Variants in SRRM4 observed in about 807,000 individuals in gnomAD.
The protein encoded by SRRM4 is serine/arginine repetitive matrix 4, also known as serine/arginine repetitive matrix protein 4.
Under a neutral mutation model 68.9 loss-of-function variants are expected in SRRM4, and 33 were observed. The observed-to-expected ratio is 0.48, with a 90% CI of 0.36 to 0.64. The LOEUF is 0.64. Among genes scored for constraint, SRRM4 ranks in the 30% least tolerant of loss-of-function variants. The pLI, the probability that SRRM4 is intolerant of heterozygous loss-of-function variation, is 0.00. For synonymous variants in SRRM4, 318 were observed against 318.8 expected (o/e 1.00, Z 0.03); for missense variants, 817 against 827.1 (o/e 0.99, Z 0.15).
intron 4 of SRRM4, among the ~76,000 whole-genome samples, chr12:119,120,011 C>T (rs1204857103): frequency 3.3e-5 from 5 of 151,818 alleles, no homozygotes; most frequent in African/African-American, 9.7e-5. Flanking sequence ...CTAGGTGTCC[C>T]GACCCCCTGT....
intron 7 of SRRM4, among the ~76,000 whole-genome samples, chr12:119,130,115 A>G (rs145564360): frequency 1.4e-5 from 2 of 143,506 alleles, no homozygotes; most frequent in African/African-American, 5.6e-5. Context: ...ATGAATAGTT[A>G]GATGGATGGA....
At chr12:119,090,544 C>G (rs1180172140) in intron 1 of SRRM4, among the ~76,000 whole-genome samples, 1 of 152,154 alleles carries the variant, frequency 6.6e-6, no homozygotes, top group Non-Finnish European at 1.5e-5. Flanking sequence ...GGGCCTCCCT[C>G]CCCACATCCC....
intron 2 of SRRM4, among the ~76,000 whole-genome samples, chr12:119,112,117 G>A (rs557410306): frequency 1.2e-4 from 19 of 152,152 alleles, no homozygotes; most frequent in Non-Finnish European, 2.5e-4. Context: ...TTGCTTCCTG[G>A]ACATGCATAC....
intron 11 of SRRM4, 46 bp downstream of exon 11, chr12:119,153,695 C>G (rs747932367): frequency 1.4e-6 from 2 of 1,406,866 alleles, no homozygotes; most frequent in East Asian, 5.0e-5. Flanking sequence ...GGCCCCACCC[C>G]TTTGCTCTGA....
In SRRM4 at chr12:119,156,781, TC is replaced by T; in HGVS notation, c.1821del (p.Ser608AlafsTer8). ...SRSYSSADSY[S>X]STRR ...GAGCTACAGCTCAGCAGACAGCTAC[TC>T]CAGCACGAGGCGCTAAGTGCCCCTG... On this transcript the variant is annotated frameshift_variant, in exon 13 of 13. Transcript: ENST00000267260. LOFTEE classifies it high-confidence loss of function. The T allele has an allele frequency of 6.5e-7, 1 of 1,537,008 alleles. No individual in the cohort carries two copies. Among genetic ancestry groups the T allele is most frequent in the Non-Finnish European group, 8.8e-7 (1 of 1,142,226 alleles).
chr12:119,123,680 G>A (rs79264789), intron 6 of SRRM4, among the ~76,000 whole-genome samples: 2,915 of 152,306 alleles, frequency 0.019, 57 homozygotes, highest in Middle Eastern at 0.027. Flanking sequence ...GGAATCTTGA[G>A]GATTCAAGAT....
Position 119,121,144 on chromosome 12 carries a change from G to A in SRRM4, c.464+868G>A, listed in dbSNP as rs79966537. Among the ~76,000 whole-genome samples the A allele has an allele frequency of 4.3e-3, 658 of 152,272 alleles. 3 individuals carry two copies. Among genetic ancestry groups the A allele is most frequent in the African/African-American group, 0.015 (630 of 41,540 alleles). On this transcript the variant is annotated intron_variant, in intron 5 of 12. Transcript: ENST00000267260. ...GCTAAGAAGCAGAGGCGGATCTTGG[G>A]TCCAGTTGAATTTGGATCTGTCAGC... is the stretch of plus-strand genomic sequence containing the variant.
chr12:119,022,520 T>C (rs1953522692), intron 1 of SRRM4, among the ~76,000 whole-genome samples: 1 of 152,236 alleles, frequency 6.6e-6, no homozygotes, highest in Non-Finnish European at 1.5e-5. Flanking sequence ...AAGAACTTCC[T>C]GACTGCAATG....
chr12:119,028,592 T>C (rs1262088062), intron 1 of SRRM4, among the ~76,000 whole-genome samples: 1 of 152,184 alleles, frequency 6.6e-6, no homozygotes, highest in East Asian at 1.9e-4. Context: ...CAGGCTCAGG[T>C]ATATCTTTAT....
At chr12:119,016,248 C>T (rs1223702153) in intron 1 of SRRM4, among the ~76,000 whole-genome samples, 1 of 152,014 alleles carries the variant, frequency 6.6e-6, no homozygotes, top group East Asian at 1.9e-4. Context: ...TTTCTAGCCT[C>T]CATAACTGTG....
In SRRM4 at chr12:118,982,680, T is replaced by TTTG. The variant is rs1953256988; in HGVS notation, c.131+669_131+670insGTT. On this transcript the variant is annotated intron_variant, in intron 1 of 12. Coordinates refer to ENST00000267260, the MANE Select transcript of SRRM4 (RefSeq NM_194286.4). ...AAGAGTTTTATTTTGTTTTTTTTTG[T>TTTG]TTTTTTTTTTTTTTTCCAAAAAGAA... Among the ~76,000 whole-genome samples the TTTG allele has an allele frequency of 2.4e-5, 3 of 123,736 alleles. No individual in the cohort carries two copies. In the South Asian group the frequency reaches 7.7e-4, roughly 32 times the overall value. The allele number at this position is 123,736 out of a possible 152,430, so 81.2% of individuals were successfully genotyped here.
At chr12:119,069,203 GT>G (rs1450384998) in intron 1 of SRRM4, among the ~76,000 whole-genome samples, 3 of 152,314 alleles carry the variant, frequency 2.0e-5, no homozygotes, top group South Asian at 4.1e-4. Flanking sequence ...AAAGTGAGTG[GT>G]TTAGCATGTT....
At chr12:119,004,985 C>G (rs950753483) in intron 1 of SRRM4, among the ~76,000 whole-genome samples, 1 of 150,472 alleles carries the variant, frequency 6.6e-6, no homozygotes, top group African/African-American at 2.4e-5. Context: ...AAGATTAAAA[C>G]AGGCTGCTAG....
Position 119,161,430 on chromosome 12 carries a change from G to A in SRRM4, c.*4632G>A, listed in dbSNP as rs1330745586. On this transcript the variant is annotated 3_prime_UTR_variant, in exon 13 of 13. Coordinates refer to ENST00000267260, the MANE Select transcript of SRRM4 (RefSeq NM_194286.4). ...GTGAGCCAATGATACTGACAGAAATGTCATCTCTCTTCTATCTGTGGTTGC... is the reference window on the plus strand; with the variant it reads ...GTGAGCCAATGATACTGACAGAAATATCATCTCTCTTCTATCTGTGGTTGC... 1 of 152,210 alleles carries A rather than the reference G, an allele frequency of 6.6e-6. No homozygotes were observed. Among genetic ancestry groups the A allele is most frequent in the East Asian group, 1.9e-4 (1 of 5,196 alleles). The allele number at this position is 152,210 out of a possible 1,614,324, so 9.4% of individuals were successfully genotyped here.
chr12:119,124,443 AG>A (rs1481654089), intron 6 of SRRM4: 2 of 152,216 alleles, frequency 1.3e-5, no homozygotes, highest in African/African-American at 4.8e-5. Context: ...TGATTACATT[AG>A]AAGAATCCCT....
At chr12:119,129,370 C>A (rs888773003) in intron 7 of SRRM4, among the ~76,000 whole-genome samples, 6 of 152,192 alleles carry the variant, frequency 3.9e-5, no homozygotes, top group Non-Finnish European at 8.8e-5. Context: ...TTACTGCAGA[C>A]CAAGCAGCCA....
rs763862350 is a variant in SRRM4, at chr12:119,151,198, C to T, written c.1258C>T (p.Arg420Ter). The change falls in exon 10 of 13, where the codon CGA (arginine) becomes TGA (stop). Residue 420 changes from arginine (R) to a stop codon, truncating the protein, a stop_gained. Transcript: ENST00000267260. LOFTEE classifies it high-confidence loss of function. The part of the protein sequence containing the change: ...PRASPRYTQS[R>*]STSSEKRSYS... Reference sequence around the variant, plus strand: ...GGCTTCCCCCAGGTACACCCAAAGCCGATCCACCTCTTCTGAAAAAAGGTG... The same window carrying T: ...GGCTTCCCCCAGGTACACCCAAAGCTGATCCACCTCTTCTGAAAAAAGGTG... The T allele has an allele frequency of 2.5e-6, 4 of 1,613,984 alleles. No individual in the cohort carries two copies. Among genetic ancestry groups the T allele is most frequent in the Non-Finnish European group, 3.4e-6 (4 of 1,179,862 alleles).
chr12:118,981,825 A>T lies in SRRM4; in HGVS notation c.-58A>T. 2 of 1,571,326 alleles carry T rather than the reference A, an allele frequency of 1.3e-6. No individual in the cohort carries two copies. The highest frequency in any genetic ancestry group is 8.6e-7 in the Non-Finnish European group (1 of 1,157,240). ...GAGCTGGGTGTCGCCCCCGTTTGGAATCCACGTTTCAGCACTTTGGACAGC... is the reference window on the plus strand; with the variant it reads ...GAGCTGGGTGTCGCCCCCGTTTGGATTCCACGTTTCAGCACTTTGGACAGC... On this transcript the variant is annotated 5_prime_UTR_variant, in exon 1 of 13. Coordinates refer to ENST00000267260, the MANE Select transcript of SRRM4 (RefSeq NM_194286.4).
At chr12:119,142,012 CA>C (rs2136063865) in intron 8 of SRRM4, among the ~76,000 whole-genome samples, 1 of 152,210 alleles carries the variant, frequency 6.6e-6, no homozygotes, top group East Asian at 1.9e-4. Context: ...GTATTCTAGG[CA>C]GAGGAAATGG....
Sources: allele counts gnomAD v4.1 joint callset (sites outside exome capture counted in the v4.1 genomes callset), GRCh38; gene constraint gnomAD v4.1.1; transcripts MANE v1.5; gene names NCBI Gene and HGNC (gene_info 2026-07-23, HGNC 2026-07-21).